The following TTN variants were observed in gnomAD, a reference collection of about 807,000 sequenced individuals.
TTN encodes titin.
In TTN, 1,525 loss-of-function variants were observed where a neutral mutation model predicts 3,223.0. The observed-to-expected ratio is 0.47, with a 90% confidence interval of 0.45 to 0.49. TTN has a LOEUF of 0.49. Among genes scored for constraint, TTN ranks in the 20% least tolerant of loss-of-function variants. TTN has a pLI of 0.00. For missense variants in TTN, 40,786 were observed against 43,424.0 expected (o/e 0.94, Z 5.40); for synonymous variants, 14,094 against 15,161.0 (o/e 0.93, Z 5.17).
At chr2:178,725,312 T>C (rs2079145623) in intron 71 of TTN, 56 bp downstream of exon 71, 1 of 1,414,678 alleles carries the variant, frequency 7.1e-7, no homozygotes, top group East Asian at 2.6e-5. Flanking sequence ...CCAGTAACTC[T>C]TAGTAATTCA....
chr2:178,717,427 C>A, intron 87 of TTN, 45 bp from the exon 88 acceptor site: 2 of 1,578,666 alleles, frequency 1.3e-6, no homozygotes, highest in Non-Finnish European at 1.7e-6. Flanking sequence ...TTTCCATGCT[C>A]TCACATACAG....
chr2:178,587,270 G>A lies in TTN; in HGVS notation c.63941C>T (p.Ser21314Leu), dbSNP rs776468606. ...TTTCTTAACTTCTGGGGTAACGGTC[G>A]ACCATGTCTTTCTGTCTGCCTCACG... ...EKREADRKTW[S>L]TVTPEVKKTS... The change falls in exon 307 of 363, where the codon TCG becomes TTG. Residue 21314 changes from serine to leucine, a missense_variant. Transcript: ENST00000589042. 10 of 1,612,986 alleles carry A rather than the reference G, an allele frequency of 6.2e-6. No individual in the cohort carries two copies. Among genetic ancestry groups the A allele is most frequent in the African/African-American group, 2.7e-5 (2 of 74,816 alleles).
At position 178,578,799 on chromosome 2, in the gene TTN, C is replaced by G. The variant is rs1199445121; in HGVS notation, c.68224+7G>C. Reference sequence around the variant, plus strand: ...TGCTTTACGTCTTCTGAATTTAAGACACTTACCAAATGGATGTCTCGCAAC... The same window carrying G: ...TGCTTTACGTCTTCTGAATTTAAGAGACTTACCAAATGGATGTCTCGCAAC... On this transcript the variant is annotated splice_region_variant and intron_variant, in intron 320 of 362. Coordinates refer to ENST00000589042, the MANE Select transcript of TTN (RefSeq NM_001267550.2). 3.1e-6 allele frequency: 5 copies of G among 1,609,216 alleles called. No homozygotes were observed. Among genetic ancestry groups the G allele is most frequent in the Non-Finnish European group, 4.2e-6 (5 of 1,177,612 alleles).
At chr2:178,709,473 C>T in intron 99 of TTN, 93 bp downstream of exon 99, 1 of 1,306,044 alleles carries the variant, frequency 7.7e-7, no homozygotes, top group Non-Finnish European at 1.0e-6. Context: ...TTTGTTATAA[C>T]TTACTTGGTC....
rs778359308 is a variant in TTN at position 178,561,822 on chromosome 2, T to C, written c.84310A>G (p.Ile28104Val). Residue 28104 changes from isoleucine to valine, a missense_variant, in exon 326 of 363, where the codon ATA (isoleucine) becomes GTA (valine). Coordinates refer to ENST00000589042, the MANE Select transcript of TTN (RefSeq NM_001267550.2). Reference sequence around the variant, plus strand: ...GTTCTTGCAACTGCTTGTGAAACTATGTGCCATGTTGTAGAGGTGGTTTCT... The same window carrying C: ...GTTCTTGCAACTGCTTGTGAAACTACGTGCCATGTTGTAGAGGTGGTTTCT... Reference protein sequence around the residue: ...KKETTSTTWHIVSQAVARTSI... With the variant: ...KKETTSTTWHVVSQAVARTSI... 2 of 1,613,698 alleles carry C rather than the reference T, an allele frequency of 1.2e-6. No homozygotes were observed. The highest frequency in any genetic ancestry group is 1.1e-5 in the South Asian group (1 of 91,076).
At chr2:178,680,772 A>C (rs1251437958) in intron 138 of TTN, among the ~76,000 whole-genome samples, 2 of 152,128 alleles carry the variant, frequency 1.3e-5, no homozygotes, top group Admixed American at 6.6e-5. Flanking sequence ...GTATCATTAC[A>C]TCATTTAGGT....
intron 111 of TTN, 54 bp from the exon 112 acceptor site, chr2:178,698,968 T>C (rs559282078): frequency 2.1e-4 from 298 of 1,437,642 alleles, no homozygotes; most frequent in Non-Finnish European, 2.6e-4. Flanking sequence ...TGTAAGTAAC[T>C]AAAATGCTTT....
intron 2 of TTN, 150 bp downstream of exon 2, chr2:178,804,402 T>C: frequency 1.4e-6 from 1 of 718,716 alleles, no homozygotes; most frequent in Non-Finnish European, 2.5e-6. Context: ...CTGTGAATGG[T>C]ATACCCTTAA....
intron 114 of TTN, 67 bp downstream of exon 114, chr2:178,695,798 T>C (rs933375419): frequency 4.6e-5 from 58 of 1,248,042 alleles, no homozygotes; most frequent in South Asian, 7.2e-5. Flanking sequence ...GTTCATAGCA[T>C]TGAAAATTTA....
At position 178,733,081 on chromosome 2, in the gene TTN, G is replaced by A. The variant is rs72648935; in HGVS notation, c.16095C>T (p.Asn5365=). The change falls in exon 55 of 363, where the codon AAC becomes AAT. Residue 5365 remains asparagine, a synonymous_variant. Coordinates refer to ENST00000589042, the MANE Select transcript of TTN (RefSeq NM_001267550.2). ...IAPFFTKPLR[N]VDSVVNGTCR... ...AGGTACCATTAACAACACTATCCAC[G>A]TTGCGCAAGGGTTTGGTAAAAAATG... 2.8e-3 allele frequency: 4,490 copies of A among 1,606,172 alleles called. 58 individuals carry two copies. The African/African-American group carries it at 0.034, about 12-fold the overall frequency.
rs1559608792 is a variant in TTN, at chr2:178,593,029, A to G, written c.59090T>C (p.Val19697Ala). 6.2e-7 allele frequency: 1 copy of G among 1,613,442 alleles called. No individual in the cohort carries two copies. Among genetic ancestry groups the G allele is most frequent in the Admixed American group, 1.7e-5 (1 of 59,966 alleles). ...PEAIDTTCNS[V>A]DLTWQPPRHD... ...ACGTGGTGGCTGCCAAGTTAGATCG[A>G]CTGAATTGCATGTTGTATCTATTGC... Residue 19697 changes from valine to alanine, a missense_variant, in exon 300 of 363, where the codon GTC (valine) becomes GCC (alanine). Transcript: ENST00000589042.
intron 111 of TTN, 86 bp downstream of exon 111, chr2:178,701,034 G>A (rs2074873849): frequency 8.1e-7 from 1 of 1,231,366 alleles, no homozygotes; most frequent in Non-Finnish European, 1.2e-6. Context: ...GACCACTAGA[G>A]GGCCAATGCG....
intron 47 of TTN, among the ~76,000 whole-genome samples, chr2:178,743,408 A>G (rs1286780044): frequency 6.6e-6 from 1 of 151,908 alleles, no homozygotes; most frequent in Non-Finnish European, 1.5e-5. Context: ...CCATTTCATT[A>G]TCTATGACAA....
rs758196170 is a variant in TTN at position 178,549,805 on chromosome 2, C to A, written c.91917G>T (p.Leu30639=). 6.2e-7 allele frequency: 1 copy of A among 1,608,256 alleles called. No homozygotes were observed. The change falls in exon 338 of 363, where the codon CTG becomes CTT. Residue 30639 remains leucine (L), a synonymous_variant. Coordinates refer to ENST00000589042, the MANE Select transcript of TTN (RefSeq NM_001267550.2). ...FTNITGEKMT[L]WWDAPLNDGC... is the part of the protein sequence containing the mutation. ...CGTCATTGAGTGGGGCATCCCACCA[C>A]AGAGTCATCTTCTCCCCAGTAATAT...
chr2:178,777,766 G>C lies in TTN; in HGVS notation c.4418C>G (p.Thr1473Ser). ...PVSFKCLEGQ[T>S]ARFDLKVVGR... ...AACAACCTTTAAGTCAAATCTGGCA[G>C]TTTGCCCTTCTAAACATTTGAAAGA... Residue 1473 changes from threonine (T) to serine (S), a missense_variant, in exon 25 of 363, where the codon ACT becomes AGT. Physicochemically the swap from Thr to Ser is moderately conservative, Grantham distance 58. Coordinates refer to ENST00000589042, the MANE Select transcript of TTN (RefSeq NM_001267550.2). 1 of 1,614,042 alleles carries C rather than the reference G, an allele frequency of 6.2e-7. No individual in the cohort carries two copies.
chr2:178,532,879 T>G lies in TTN; in HGVS notation c.103736A>C (p.Glu34579Ala), dbSNP rs1386348360. Residue 34579 changes from glutamate to alanine, a missense_variant, in exon 358 of 363, where the codon GAA becomes GCA. By Grantham distance (107) the Glu-to-Ala change is moderately radical (BLOSUM62 -1). Coordinates refer to ENST00000589042, the MANE Select transcript of TTN (RefSeq NM_001267550.2). ...KWYKKIRDQY[E>A]MPGKLDRVVQ... Reference sequence around the variant, plus strand: ...AACTCTGTCAAGTTTCCCAGGCATTTCATACTGATCACGTATCTTTTTATA... The same window carrying G: ...AACTCTGTCAAGTTTCCCAGGCATTGCATACTGATCACGTATCTTTTTATA... 2 of 1,614,004 alleles carry G rather than the reference T, an allele frequency of 1.2e-6. No homozygotes were observed. Among genetic ancestry groups the G allele is most frequent in the Non-Finnish European group, 8.5e-7 (1 of 1,179,880 alleles).
chr2:178,780,435 T>C (rs537229598), intron 21 of TTN, among the ~76,000 whole-genome samples: 6 of 152,290 alleles, frequency 3.9e-5, no homozygotes, highest in East Asian at 1.9e-4. Context: ...ATATTAGCAG[T>C]CAGTTTTGGG....
chr2:178,634,895 C>T lies in TTN; in HGVS notation c.42025-46G>A, dbSNP rs778539185. On this transcript the variant is annotated intron_variant, in intron 228 of 362. Transcript: ENST00000589042. The surrounding 1 kb of genome is among the most constrained non-coding windows in gnomAD (Gnocchi z 4.6). ...TAACCATTTGAAAGAGATAAATTCC[C>T]TATAGGAGAAGTGTTTCAGATACAA... 1.3e-6 allele frequency: 2 copies of T among 1,571,178 alleles called. No individual in the cohort carries two copies. The highest frequency in any genetic ancestry group is 2.8e-5 in the African/African-American group (2 of 72,520).
At chr2:178,609,094 T>A (rs1020107082) in intron 273 of TTN, 114 bp downstream of exon 273, 28 of 1,308,360 alleles carry the variant, frequency 2.1e-5, no homozygotes, top group Non-Finnish European at 2.7e-5. Context: ...AAAATATGAT[T>A]GAGGATAACT....
Sources: allele counts gnomAD v4.1 joint callset (sites outside exome capture counted in the v4.1 genomes callset), GRCh38; gene constraint gnomAD v4.1.1; non-coding constraint Gnocchi (gnomAD v3.1); transcripts MANE v1.5; gene names NCBI Gene and HGNC (gene_info 2026-07-23, HGNC 2026-07-21).